Variants in WNT7A observed in about 807,000 individuals in gnomAD.
WNT7A encodes the protein protein Wnt-7a.
WNT7A carries 16 observed loss-of-function variants against 28.2 expected under a neutral mutation model. The ratio of observed to expected loss-of-function variants is 0.57; its 90% confidence interval spans 0.38 to 0.86. The LOEUF (loss-of-function observed/expected upper bound fraction) is 0.86. Ranked by LOEUF, WNT7A falls within the 40% of genes least tolerant of loss-of-function variation. The pLI is 0.00. For missense variants in WNT7A, 411 were observed against 489.7 expected, an observed-to-expected ratio of 0.84 and a Z score of 1.52; for synonymous variants, 190 against 195.9, an observed-to-expected ratio of 0.97 and a Z score of 0.25.
At chr3:13,832,562 C>G (rs977120344) in intron 3 of WNT7A, among the ~76,000 whole-genome samples, 79 of 152,316 alleles carry the variant, frequency 5.2e-4, no homozygotes, top group African/African-American at 1.9e-3. Flanking sequence ...CTCTCCCTCC[C>G]CATGTCGATC....
intron 1 of WNT7A, among the ~76,000 whole-genome samples, chr3:13,875,482 G>A (rs1695097333): frequency 6.6e-6 from 1 of 152,140 alleles, no homozygotes; most frequent in South Asian, 2.1e-4. Flanking sequence ...TTGCCTTTGA[G>A]TTTATGGTAG....
intron 3 of WNT7A, among the ~76,000 whole-genome samples, chr3:13,826,111 G>C (rs1302221411): frequency 6.6e-6 from 1 of 152,186 alleles, no homozygotes; most frequent in East Asian, 1.9e-4. Flanking sequence ...CTACTGTGTG[G>C]TATTTGGCGT....
intron 3 of WNT7A, among the ~76,000 whole-genome samples, chr3:13,830,068 C>T (rs1694252880): frequency 6.6e-6 from 1 of 152,154 alleles, no homozygotes; most frequent in African/African-American, 2.4e-5. Flanking sequence ...TCCCCTCACA[C>T]AATGTGCTCC....
intron 3 of WNT7A, 37 bp downstream of exon 3, chr3:13,854,495 C>T (rs765342033): frequency 2.1e-5 from 34 of 1,613,342 alleles, no homozygotes; most frequent in Admixed American, 1.2e-4. Flanking sequence ...GCAGCATCTC[C>T]GCGAGCGCCG....
intron 2 of WNT7A, among the ~76,000 whole-genome samples, chr3:13,868,900 A>G (rs1320481315): frequency 1.4e-5 from 2 of 139,842 alleles, no homozygotes; most frequent in South Asian, 2.4e-4. Context: ...GGGAGGGAGG[A>G]AGGAAGGAAA....
intron 2 of WNT7A, among the ~76,000 whole-genome samples, chr3:13,866,553 T>C (rs780158161): frequency 5.3e-5 from 8 of 151,928 alleles, no homozygotes; most frequent in Admixed American, 6.6e-5. Context: ...GGACAGGCAG[T>C]GTACACTAGA....
At chr3:13,876,158 T>A (rs1382734927) in intron 1 of WNT7A, among the ~76,000 whole-genome samples, 1 of 152,292 alleles carries the variant, frequency 6.6e-6, no homozygotes, top group Non-Finnish European at 1.5e-5. Context: ...GAGATCTGAA[T>A]TGCCAGGAGG....
intron 3 of WNT7A, among the ~76,000 whole-genome samples, chr3:13,837,009 C>T (rs1575063319): frequency 6.6e-6 from 1 of 152,054 alleles, no homozygotes; most frequent in East Asian, 1.9e-4. Context: ...GGACCTTGCT[C>T]CTCCTGGCTG....
At chr3:13,829,148 A>G (rs958605730) in intron 3 of WNT7A, among the ~76,000 whole-genome samples, 3 of 152,234 alleles carry the variant, frequency 2.0e-5, no homozygotes, top group South Asian at 2.1e-4. Flanking sequence ...TCTTGTGACC[A>G]TTAGGCAAGA....
At chr3:13,857,778 G>T (rs148287905) in intron 2 of WNT7A, among the ~76,000 whole-genome samples, 1 of 152,158 alleles carries the variant, frequency 6.6e-6, no homozygotes, top group South Asian at 2.1e-4. Flanking sequence ...TGAGAGAAAA[G>T]GACAATCAGA....
rs1185328079 is a variant in WNT7A, at chr3:13,879,851, T to G, written c.-35A>C. 1 of 1,555,204 alleles carries G rather than the reference T, an allele frequency of 6.4e-7. No individual in the cohort carries two copies. The highest frequency in any genetic ancestry group is 1.9e-5 in the Admixed American group (1 of 53,612). The stretch of plus-strand genomic sequence containing the variant: ...TGGCCGCCGGGGCCGCGGGCCGGGC[T>G]GTGCTGATCCCGCGGGCCGGCCCCG... On this transcript the variant is annotated 5_prime_UTR_variant, in exon 1 of 4. Transcript: ENST00000285018.
intron 2 of WNT7A, 130 bp downstream of exon 2, chr3:13,874,817 C>A: frequency 2.1e-6 from 2 of 933,798 alleles, no homozygotes; most frequent in East Asian, 2.6e-5. Context: ...CAAGTCAATG[C>A]ACCTGCAGGA....
chr3:13,869,480 G>T lies in WNT7A; in HGVS notation c.298+5467C>A, dbSNP rs2124875453. On this transcript the variant is annotated intron_variant, in intron 2 of 3. Coordinates refer to ENST00000285018, the MANE Select transcript of WNT7A (RefSeq NM_004625.4). ...AAGACAGAAAGAAAGAAAGGGAGGAGAGAGGGGAGGGAGGGAAAGAGAGAG... is the reference window on the plus strand; with the variant it reads ...AAGACAGAAAGAAAGAAAGGGAGGATAGAGGGGAGGGAGGGAAAGAGAGAG... Among the ~76,000 whole-genome samples, 3 of 136,684 alleles carry T rather than the reference G, an allele frequency of 2.2e-5. No individual in the cohort carries two copies. The South Asian group carries it at 7.3e-4, about 33-fold the overall frequency. The allele number at this position is 136,684 out of a possible 152,430, so 89.7% of individuals were successfully genotyped here. A position where few individuals can be genotyped will look rare whatever the true frequency, so the allele number is the denominator to read the frequency against.
intron 3 of WNT7A, among the ~76,000 whole-genome samples, chr3:13,825,538 G>A (rs974258762): frequency 1.3e-5 from 2 of 152,232 alleles, no homozygotes; most frequent in African/African-American, 4.8e-5. Flanking sequence ...CACCATGGCT[G>A]ACTTTAAGCT....
At chr3:13,869,337 GAGGAAGGAAGGAAGGAAAAGAGAGAA>G (rs1192344040) in intron 2 of WNT7A, among the ~76,000 whole-genome samples, 1 of 140,576 alleles carries the variant, frequency 7.1e-6, no homozygotes, top group African/African-American at 2.7e-5. Flanking sequence ...GAGAGGGAGG[GAGGAAGGAAGGAAGGAAAAGAGAGAA>G]AGGAAGGAAG....
Position 13,879,879 on chromosome 3 carries a change from G to A in WNT7A, c.-63C>T, listed in dbSNP as rs1695182763. ...GCTGATCCCGCGGGCCGGCCCCGGC[G>A]GGGCAATCAACATAGCCCGCCCGGG... is the stretch of plus-strand genomic sequence containing the variant. On this transcript the variant is annotated 5_prime_UTR_variant, in exon 1 of 4. Coordinates refer to ENST00000285018, the MANE Select transcript of WNT7A (RefSeq NM_004625.4). 3 of 1,438,790 alleles carry A rather than the reference G, an allele frequency of 2.1e-6. No individual in the cohort carries two copies. Among genetic ancestry groups the A allele is most frequent in the South Asian group, 2.9e-5 (2 of 69,808 alleles). The allele number at this position is 1,438,790 out of a possible 1,614,324, so 89.1% of individuals were successfully genotyped here. A position where few individuals can be genotyped will look rare whatever the true frequency, so the allele number is the denominator to read the frequency against.
chr3:13,836,936 G>A lies in WNT7A; in HGVS notation c.571-17513C>T, dbSNP rs1035023880. Among the ~76,000 whole-genome samples the A allele has an allele frequency of 2.0e-4, 31 of 152,208 alleles. 1 individual carries two copies. Among genetic ancestry groups the A allele is most frequent in the African/African-American group, 7.2e-4 (30 of 41,446 alleles). On this transcript the variant is annotated intron_variant, in intron 3 of 3. Coordinates refer to ENST00000285018, the MANE Select transcript of WNT7A (RefSeq NM_004625.4). ...TGGCAGCCCCAGGTAGGAAAGGAAG[G>A]CAAGTTGGGACCTGAAGGGAGGCCT...
chr3:13,843,693 A>T (rs1398193419), intron 3 of WNT7A, among the ~76,000 whole-genome samples: 1 of 152,088 alleles, frequency 6.6e-6, no homozygotes, highest in South Asian at 2.1e-4. Context: ...AGATGTTGAA[A>T]AAAAAAAAGG....
intron 3 of WNT7A, among the ~76,000 whole-genome samples, chr3:13,845,082 C>T (rs1694518371): frequency 6.6e-6 from 1 of 152,230 alleles, no homozygotes; most frequent in Admixed American, 6.5e-5. Context: ...GCCATGCTGC[C>T]CCCTCCCCAT....
Sources: gnomAD v4.1 joint callset for allele counts (sites outside exome capture counted in the v4.1 genomes callset) on GRCh38, gnomAD v4.1.1 for gene constraint, MANE v1.5 for transcripts, NCBI Gene and HGNC (gene_info 2026-07-23, HGNC 2026-07-21) for gene names.